Variants in CPZ observed in about 807,000 individuals in gnomAD.
The protein encoded by CPZ is VEZT/CPZ fusion.
A neutral mutation model predicts 61.8 loss-of-function variants in CPZ; 103 were observed. That is an observed-to-expected ratio of 1.67 (90% CI 1.42 to 1.96). The LOEUF (loss-of-function observed/expected upper bound fraction) is 1.96. Among genes scored for constraint, CPZ ranks in the 30% most tolerant of loss-of-function variants. The probability of loss-of-function intolerance (pLI) is 0.00; values close to 1 mark genes in which losing one functional copy is unlikely to be tolerated. For synonymous variants in CPZ, 551 were observed against 373.7 expected, an observed-to-expected ratio of 1.47 and a Z score of -5.47; for missense variants, 1,461 against 914.9, an observed-to-expected ratio of 1.60 and a Z score of -7.70.
rs749461918 is a variant in CPZ at position 8,607,281 on chromosome 4, A to G, written c.1083A>G (p.Thr361=). The G allele has an allele frequency of 1.1e-5, 18 of 1,613,906 alleles. No individual in the cohort carries two copies. The Admixed American group carries it at 1.8e-4, about 16-fold the overall frequency. ...HYWWGKVAPE[T]KAIMKWMQTI... ...GTCCTGGGCAGGTGGCCCCGGAGAC[A>G]AAGGCAATCATGAAGTGGATGCAGA... The change falls in exon 7 of 11, where the codon ACA becomes ACG. Residue 361 remains threonine (T), a synonymous_variant. Coordinates refer to ENST00000360986, the MANE Select transcript of CPZ (RefSeq NM_001014447.3).
intron 8 of CPZ, among the ~76,000 whole-genome samples, chr4:8,613,575 C>A (rs1715898254): frequency 6.6e-6 from 1 of 152,204 alleles, no homozygotes; most frequent in Non-Finnish European, 1.5e-5. Context: ...GGCTCAGGAG[C>A]CTTGAACTTC....
chr4:8,608,314 C>T (rs988087264), intron 7 of CPZ, among the ~76,000 whole-genome samples: 3 of 152,180 alleles, frequency 2.0e-5, no homozygotes, highest in Non-Finnish European at 4.4e-5. Flanking sequence ...TCCCTCCCTG[C>T]ACTTTCCCTT....
At chr4:8,608,791 G>GCAGGA (rs202185290) in intron 7 of CPZ, among the ~76,000 whole-genome samples, 1 of 151,628 alleles carries the variant, frequency 6.6e-6, no homozygotes, top group Non-Finnish European at 1.5e-5. Context: ...GCAGGGCAGG[G>GCAGGA]AGGGGCACTG....
intron 1 of CPZ, among the ~76,000 whole-genome samples, chr4:8,597,091 G>C (rs1167662147): frequency 1.3e-5 from 2 of 152,194 alleles, no homozygotes; most frequent in Non-Finnish European, 1.5e-5. Flanking sequence ...TGAGCTGACT[G>C]TGCTGTAGCA....
chr4:8,596,907 G>A (rs1714221849), intron 1 of CPZ, among the ~76,000 whole-genome samples: 1 of 152,206 alleles, frequency 6.6e-6, no homozygotes, highest in African/African-American at 2.4e-5. Context: ...TCAAGTCAAA[G>A]TTAGTTCTTC....
intron 1 of CPZ, among the ~76,000 whole-genome samples, chr4:8,595,660 G>C (rs1332408812): frequency 2.0e-5 from 3 of 152,270 alleles, no homozygotes; most frequent in Admixed American, 6.5e-5. Context: ...ACCCACTGGG[G>C]CTTGCTGATT....
In CPZ at chr4:8,612,173, C is replaced by T. The variant is rs200946797; in HGVS notation, c.1363+11C>T. On this transcript the variant is annotated intron_variant, in intron 8 of 10. Transcript: ENST00000360986. ...ACAGCTTCACGGGAGGTGCGGCTTCCGCAGGGCGGGACTGGGCGGGGGGTG... is the reference window on the plus strand; with the variant it reads ...ACAGCTTCACGGGAGGTGCGGCTTCTGCAGGGCGGGACTGGGCGGGGGGTG... 736 of 950,638 alleles carry T rather than the reference C, an allele frequency of 7.7e-4. 4 individuals carry two copies. Among genetic ancestry groups the T allele is most frequent in the South Asian group, 7.6e-3 (233 of 30,812 alleles). The allele number at this position is 950,638 out of a possible 1,614,324, so 58.9% of individuals were successfully genotyped here. A position where few individuals can be genotyped will look rare whatever the true frequency, so the allele number is the denominator to read the frequency against.
At chr4:8,599,652 A>G in intron 2 of CPZ, 167 bp downstream of exon 2, 1 of 1,444,120 alleles carries the variant, frequency 6.9e-7, no homozygotes, top group South Asian at 1.4e-5. Flanking sequence ...GAAAAATTAG[A>G]CATAACAAAA....
rs1216308226 is a variant in CPZ, at chr4:8,616,302, GCT to G, written c.1503+1809_1503+1810del. Among the ~76,000 whole-genome samples, 11 of 152,260 alleles carry G rather than the reference GCT, an allele frequency of 7.2e-5. No individual in the cohort carries two copies. In the South Asian group the frequency reaches 8.3e-4, roughly 11 times the overall value. On this transcript the variant is annotated intron_variant, in intron 9 of 10. Coordinates refer to ENST00000360986, the MANE Select transcript of CPZ (RefSeq NM_001014447.3). ...GGGCGAGGGGAGGGGCGGCGTGGCA[GCT>G]CTCTTTCCCCACCAGAGAACCGCAT...
chr4:8,609,217 C>G (rs62288588), intron 7 of CPZ, among the ~76,000 whole-genome samples: 97,708 of 137,962 alleles, frequency 0.71, 32,315 homozygotes, highest in South Asian at 0.85. Context: ...CTTACTCATT[C>G]ACTTACTCAC....
rs1218992828 is a variant in CPZ at position 8,603,973 on chromosome 4, C to G, written c.497-3C>G. ...TGACTGAGCCCCCCCACTGCTCCCC[C>G]AGGAGGCCTGGAGGCTGACGAGGCA... On this transcript the variant is annotated splice_region_variant and splice_polypyrimidine_tract_variant and intron_variant, in intron 3 of 10. Coordinates refer to ENST00000360986, the MANE Select transcript of CPZ (RefSeq NM_001014447.3). The G allele has an allele frequency of 3.7e-6, 6 of 1,611,952 alleles. No individual in the cohort carries two copies. The highest frequency in any genetic ancestry group is 5.1e-6 in the Non-Finnish European group (6 of 1,179,700).
At chr4:8,597,431 G>A (rs1445775974) in intron 1 of CPZ, 2 of 152,226 alleles carry the variant, frequency 1.3e-5, no homozygotes, top group African/African-American at 4.8e-5. Flanking sequence ...GGAGTCTGGG[G>A]ACGCTCTGTC....
chr4:8,611,062 A>ACTCATTCACTCATTCATTCG, intron 7 of CPZ: 1 of 378,712 alleles, frequency 2.6e-6, no homozygotes, highest in Non-Finnish European at 5.5e-6. Flanking sequence ...TCGCTCACTC[A>ACTCATTCACTCATTCATTCG]CTCATTCACT....
Position 8,618,442 on chromosome 4 carries a change from T to G in CPZ, c.1517T>G (p.Ile506Ser). The G allele has an allele frequency of 6.2e-7, 1 of 1,613,938 alleles. No homozygotes were observed. Among genetic ancestry groups the G allele is most frequent in the Non-Finnish European group, 8.5e-7 (1 of 1,179,928 alleles). ...TGGTCTCTTCAGGTGCACCGGGGCA[T>G]CAAAGGTGTGGTGACAGATAAATTC... ...LNFVETVHRG[I>S]KGVVTDKFGK... is the part of the protein sequence containing the mutation. The change falls in exon 10 of 11, where the codon ATC (isoleucine) becomes AGC (serine). Residue 506 changes from isoleucine (I) to serine (S), a missense_variant. Coordinates refer to ENST00000360986, the MANE Select transcript of CPZ (RefSeq NM_001014447.3).
chr4:8,600,188 GC>G (rs1714467877), intron 2 of CPZ, among the ~76,000 whole-genome samples: 1 of 151,884 alleles, frequency 6.6e-6, no homozygotes, highest in Admixed American at 6.6e-5. Flanking sequence ...TGTTACCCAG[GC>G]TGGTCTCAAA....
Position 8,607,296 on chromosome 4 carries a change from G to A in CPZ, c.1098G>A (p.Lys366=), listed in dbSNP as rs773736737. ...KVAPETKAIM[K]WMQTIPFVLS... is the part of the protein sequence containing the mutation. Reference sequence around the variant, plus strand: ...CCCCGGAGACAAAGGCAATCATGAAGTGGATGCAGACCATACCCTTTGTGC... The same window carrying A: ...CCCCGGAGACAAAGGCAATCATGAAATGGATGCAGACCATACCCTTTGTGC... The change falls in exon 7 of 11, where the codon AAG becomes AAA. Residue 366 remains lysine, a synonymous_variant. Transcript: ENST00000360986. The A allele has an allele frequency of 1.9e-6, 3 of 1,613,978 alleles. No homozygotes were observed. The African/African-American group carries it at 4.0e-5, about 22-fold the overall frequency.
chr4:8,617,680 G>A (rs1189045259), intron 9 of CPZ, among the ~76,000 whole-genome samples: 1 of 152,178 alleles, frequency 6.6e-6, no homozygotes, highest in Non-Finnish European at 1.5e-5. Context: ...CGGGCAGGGG[G>A]CAGCCTCGCT....
In CPZ at chr4:8,609,063, C is replaced by CA. The variant is rs1577119484; in HGVS notation, c.1227+1638_1227+1639insA. Among the ~76,000 whole-genome samples, 972 of 132,184 alleles carry CA rather than the reference C, an allele frequency of 7.4e-3. 15 individuals are homozygous for CA. The highest frequency in any genetic ancestry group is 0.029 in the African/African-American group (876 of 30,004). The allele number at this position is 132,184 out of a possible 152,430, so 86.7% of individuals were successfully genotyped here. A position where few individuals can be genotyped will look rare whatever the true frequency, so the allele number is the denominator to read the frequency against. ...CATTCACTCCCTCCCTCCCTCACTC[C>CA]CTCACTCACCACTCATACATTCACC... On this transcript the variant is annotated intron_variant, in intron 7 of 10. Transcript: ENST00000360986.
In CPZ at chr4:8,619,619, C is replaced by G; in HGVS notation, c.*2C>G. The G allele has an allele frequency of 6.7e-7, 1 of 1,487,652 alleles. No homozygotes were observed. The highest frequency in any genetic ancestry group is 1.4e-5 in the South Asian group (1 of 70,508). The allele number at this position is 1,487,652 out of a possible 1,614,324, so 92.2% of individuals were successfully genotyped here. ...CCACGCTGGCTGCTCAAGTACTAGC[C>G]CCGGCCCCAGCACCCGCCAGGATGT... is the stretch of plus-strand genomic sequence containing the variant. On this transcript the variant is annotated 3_prime_UTR_variant, in exon 11 of 11. Transcript: ENST00000360986.
Sources: gnomAD v4.1 joint callset for allele counts (sites outside exome capture counted in the v4.1 genomes callset) on GRCh38, gnomAD v4.1.1 for gene constraint, MANE v1.5 for transcripts, NCBI Gene and HGNC (gene_info 2026-07-23, HGNC 2026-07-21) for gene names.